Variants in RIMS2 observed in about 807,000 individuals in gnomAD.
The protein encoded by RIMS2 is regulating synaptic membrane exocytosis protein 2.
In RIMS2, 59 loss-of-function variants were observed where a neutral mutation model predicts 174.4. That is an observed-to-expected ratio of 0.34 (90% CI 0.27 to 0.42). The LOEUF (loss-of-function observed/expected upper bound fraction) is 0.42, where lower values mean the gene tolerates loss of function less well. Ranked by LOEUF, RIMS2 falls within the 10% of genes least tolerant of loss-of-function variation. The pLI, the probability that RIMS2 is intolerant of heterozygous loss-of-function variation, is 1.00. For missense variants in RIMS2, 1,620 were observed against 1,666.3 expected, an observed-to-expected ratio of 0.97 and a Z score of 0.48; for synonymous variants, 606 against 572.5, an observed-to-expected ratio of 1.06 and a Z score of -0.84.
intron 19 of RIMS2, among the ~76,000 whole-genome samples, chr8:104,026,689 A>G (rs1448391037): frequency 6.6e-6 from 1 of 152,216 alleles, no homozygotes; most frequent in Non-Finnish European, 1.5e-5. Context: ...AAAGTTTACA[A>G]AGGAACCAAA....
intron 19 of RIMS2, among the ~76,000 whole-genome samples, chr8:104,080,882 A>G (rs2097404391): frequency 6.6e-6 from 1 of 152,078 alleles, no homozygotes. Flanking sequence ...CAGTCTGGAA[A>G]TAATATAGCT....
At chr8:103,589,318 A>G (rs372654693) in intron 1 of RIMS2, among the ~76,000 whole-genome samples, 2 of 115,008 alleles carry the variant, frequency 1.7e-5, no homozygotes, top group Non-Finnish European at 3.6e-5. Flanking sequence ...GCAAAGAGGC[A>G]TATGAAAAAG....
chr8:103,607,292 A>T (rs201610456), intron 1 of RIMS2, among the ~76,000 whole-genome samples: 12 of 151,980 alleles, frequency 7.9e-5, no homozygotes, highest in Non-Finnish European at 1.5e-4. Context: ...AAATTCTGGG[A>T]TGAAAATTCT....
At chr8:104,003,795 T>G (rs2095476413) in intron 17 of RIMS2, among the ~76,000 whole-genome samples, 1 of 152,140 alleles carries the variant, frequency 6.6e-6, no homozygotes, top group Admixed American at 6.5e-5. Flanking sequence ...GGAAGGGATT[T>G]AATTAGAAAT....
chr8:103,832,407 G>T (rs995179824), intron 3 of RIMS2, among the ~76,000 whole-genome samples: 1 of 152,036 alleles, frequency 6.6e-6, no homozygotes, highest in African/African-American at 2.4e-5. Flanking sequence ...TTAAGTTCAG[G>T]GGTGCATGTG....
chr8:103,831,589 A>G (rs1593331068), intron 3 of RIMS2, among the ~76,000 whole-genome samples: 3 of 152,312 alleles, frequency 2.0e-5, no homozygotes, highest in Non-Finnish European at 4.4e-5. Context: ...TTTTGCTTTC[A>G]TAATGATATG....
chr8:104,121,102 A>G (rs1007904176), intron 19 of RIMS2, among the ~76,000 whole-genome samples: 9 of 152,148 alleles, frequency 5.9e-5, no homozygotes, highest in African/African-American at 1.9e-4. Flanking sequence ...ACTGAAATAC[A>G]TGAAAACTAG....
intron 19 of RIMS2, among the ~76,000 whole-genome samples, chr8:104,150,889 T>C (rs1473073414): frequency 2.0e-5 from 3 of 152,166 alleles, no homozygotes; most frequent in African/African-American, 7.2e-5. Context: ...ACAAATAATT[T>C]TTGAGTACCT....
chr8:104,247,426 T>C (rs1563986434), intron 20 of RIMS2, among the ~76,000 whole-genome samples: 1 of 152,148 alleles, frequency 6.6e-6, no homozygotes, highest in Admixed American at 6.5e-5. Flanking sequence ...CCTCTTCTTA[T>C]AAGGACATGG....
intron 19 of RIMS2, among the ~76,000 whole-genome samples, chr8:104,165,990 C>T (rs2098794404): frequency 6.6e-6 from 1 of 151,398 alleles, no homozygotes; most frequent in African/African-American, 2.4e-5. Context: ...TGTTAGATAG[C>T]CTATCAGTGC....
At chr8:103,531,657 CAT>C (rs1438699978) in intron 1 of RIMS2, among the ~76,000 whole-genome samples, 1 of 152,060 alleles carries the variant, frequency 6.6e-6, no homozygotes, top group African/African-American at 2.4e-5. Flanking sequence ...GAATATGACT[CAT>C]AAAAAATATG....
chr8:103,974,689 T>A (rs1253930577), intron 15 of RIMS2, among the ~76,000 whole-genome samples: 1 of 152,206 alleles, frequency 6.6e-6, no homozygotes, highest in African/African-American at 2.4e-5. Flanking sequence ...TTTGTCATAT[T>A]TTTATTCTCA....
Position 104,041,317 on chromosome 8 carries a change from T to C in RIMS2, c.3334+26702T>C. 1.4e-6 allele frequency: 1 copy of C among 696,390 alleles called. No homozygotes were observed. The highest frequency in any genetic ancestry group is 2.6e-6 in the Non-Finnish European group (1 of 378,922). The allele number at this position is 696,390 out of a possible 1,614,324, so 43.1% of individuals were successfully genotyped here. ...GTCTATGTCTGTCCATTACACGATG[T>C]GATCACAGAAGAACTGGACTCTACA... On this transcript the variant is annotated intron_variant, in intron 19 of 23. Coordinates refer to ENST00000504942, the Ensembl canonical transcript of RIMS2.
At chr8:103,693,264 GA>G in intron 1 of RIMS2, among the ~76,000 whole-genome samples, 1 of 152,290 alleles carries the variant, frequency 6.6e-6, no homozygotes, top group African/African-American at 2.4e-5. Flanking sequence ...ATAGGTGAAG[GA>G]GGGATAGCAT....
At chr8:103,723,685 G>C (rs1362781925) in intron 2 of RIMS2, among the ~76,000 whole-genome samples, 2 of 152,196 alleles carry the variant, frequency 1.3e-5, no homozygotes, top group Non-Finnish European at 2.9e-5. Context: ...GGAGCTACCA[G>C]GTCCAACCTG....
intron 5 of RIMS2, among the ~76,000 whole-genome samples, chr8:103,910,738 T>G (rs968019686): frequency 6.6e-6 from 1 of 152,176 alleles, no homozygotes; most frequent in Admixed American, 6.5e-5. Flanking sequence ...TTTTATTGTT[T>G]GACGGCATAC....
intron 19 of RIMS2, among the ~76,000 whole-genome samples, chr8:104,186,078 C>A (rs554807041): frequency 2.0e-5 from 3 of 151,734 alleles, no homozygotes; most frequent in Admixed American, 1.3e-4. Flanking sequence ...GAAATCAATT[C>A]TTTGCAGCAA....
rs186308722 is a variant in RIMS2 at position 104,181,369 on chromosome 8, A to C, written c.3335-63547A>C. Among the ~76,000 whole-genome samples, 39 of 151,756 alleles carry C rather than the reference A, an allele frequency of 2.6e-4. No homozygotes were observed. In the East Asian group the frequency reaches 5.0e-3, roughly 20 times the overall value. ...GATTAATTCAGCATTCTAAGATATTACTTGTGATCATTGTAGGGGCATAGA... is the reference window on the plus strand; with the variant it reads ...GATTAATTCAGCATTCTAAGATATTCCTTGTGATCATTGTAGGGGCATAGA... On this transcript the variant is annotated intron_variant, in intron 19 of 23. Coordinates refer to ENST00000504942, the Ensembl canonical transcript of RIMS2.
intron 2 of RIMS2, among the ~76,000 whole-genome samples, chr8:103,762,092 A>G (rs2098119109): frequency 6.6e-6 from 1 of 151,894 alleles, no homozygotes; most frequent in South Asian, 2.1e-4. Context: ...GGTTTAAAAA[A>G]GATATTTGTA....
Sources: allele counts gnomAD v4.1 joint callset (sites outside exome capture counted in the v4.1 genomes callset), GRCh38; gene constraint gnomAD v4.1.1; transcripts MANE v1.5; gene names NCBI Gene and HGNC (gene_info 2026-07-23, HGNC 2026-07-21).